The following KCTD2 variants were observed in gnomAD, a reference collection of about 807,000 sequenced individuals.
KCTD2 encodes the protein potassium channel tetramerization domain containing 2, also known as BTB/POZ domain-containing protein KCTD2.
KCTD2 carries 18 observed loss-of-function variants against 27.9 expected under a neutral mutation model. The observed-to-expected ratio is 0.64, with a 90% CI of 0.45 to 0.96. The LOEUF is 0.96. Ranked by LOEUF, KCTD2 falls within the 40% of genes least tolerant of loss-of-function variation. The pLI, the probability that KCTD2 is intolerant of heterozygous loss-of-function variation, is 0.00. For missense variants in KCTD2, 280 were observed against 348.0 expected (o/e 0.80, Z 1.56); for synonymous variants, 175 against 148.4 (o/e 1.18, Z -1.30).
chr17:75,051,094 C>T (rs369174610), intron 2 of KCTD2, among the ~76,000 whole-genome samples: 1 of 151,560 alleles, frequency 6.6e-6, no homozygotes, highest in Non-Finnish European at 1.5e-5. Context: ...CTGCCTCAGC[C>T]TCCCGAGTAG....
At position 75,047,333 on chromosome 17, in the gene KCTD2, T is replaced by G. The variant is rs1458272869; in HGVS notation, c.83T>G (p.Val28Gly). 8.7e-6 allele frequency: 10 copies of G among 1,145,394 alleles called. No homozygotes were observed. The highest frequency in any genetic ancestry group is 1.1e-5 in the Non-Finnish European group (10 of 933,734). The allele number at this position is 1,145,394 out of a possible 1,614,324, so 71.0% of individuals were successfully genotyped here. A position where few individuals can be genotyped will look rare whatever the true frequency, so the allele number is the denominator to read the frequency against. Residue 28 changes from valine (V) to glycine (G), a missense_variant, in exon 1 of 6, where the codon GTC (valine) becomes GGC (glycine). Val to Gly is a moderately radical substitution (Grantham distance 109). Transcript: ENST00000322444. ...GSGVGDGGGP[V>G]RGPPSPRPAG... ...GGGGTGGGCGACGGGGGTGGCCCAG[T>G]CCGCGGGCCCCCCAGCCCACGCCCG...
At chr17:75,056,936 TTTTTTTTTCTTTTTTC>T (rs1291929696) in intron 3 of KCTD2, among the ~76,000 whole-genome samples, 1 of 145,196 alleles carries the variant, frequency 6.9e-6, no homozygotes, top group Non-Finnish European at 1.5e-5. Context: ...CCTCTGTTTC[TTTTTTTTTCTTTTTTC>T]TTTTTTTTTT....
intron 3 of KCTD2, chr17:75,040,229 C>G: frequency 1.3e-6 from 2 of 1,588,516 alleles, no homozygotes; most frequent in Middle Eastern, 2.3e-4. Flanking sequence ...AGTGAGTCGT[C>G]GCCAATACAC....
intron 3 of KCTD2, chr17:75,041,921 C>G (rs1189047429): frequency 2.9e-6 from 1 of 341,506 alleles, no homozygotes; most frequent in Middle Eastern, 7.8e-4. Flanking sequence ...AGGTCAGAAA[C>G]AGAGCAGGTC....
intron 2 of KCTD2, among the ~76,000 whole-genome samples, chr17:75,034,605 T>C (rs1208003460): frequency 1.3e-5 from 2 of 152,034 alleles, no homozygotes; most frequent in African/African-American, 2.4e-5. Flanking sequence ...TGAGAAGCCA[T>C]GGGGACGACA....
At chr17:75,043,767 G>GAC (rs2073184551), upstream of KCTD2, among the ~76,000 whole-genome samples, 1 of 152,068 alleles carries the variant, frequency 6.6e-6, no homozygotes, top group African/African-American at 2.4e-5. Flanking sequence ...GACAGAAACT[G>GAC]ACACACACCT....
chr17:75,045,264 G>C (rs1025405710), upstream of KCTD2, among the ~76,000 whole-genome samples: 1 of 152,246 alleles, frequency 6.6e-6, no homozygotes, highest in Non-Finnish European at 1.5e-5. Flanking sequence ...CACAAGGCAA[G>C]TGGAGGCAGG....
chr17:75,039,214 T>C, intron 3 of KCTD2: 1 of 1,614,000 alleles, frequency 6.2e-7, no homozygotes, highest in Non-Finnish European at 8.5e-7. Context: ...CTTACCTCTT[T>C]CTCATATTCT....
In KCTD2 at chr17:75,063,953, T is replaced by G. The variant is rs572261784; in HGVS notation, c.*906T>G. On this transcript the variant is annotated 3_prime_UTR_variant, in exon 6 of 6. Transcript: ENST00000322444. ...ATGGCTTGGAGTGGGGAAGGCTGTT[T>G]CTTTGAAAGTTGCCAAATGTGTTAT... is the stretch of plus-strand genomic sequence containing the variant. 1 of 152,826 alleles carries G rather than the reference T, an allele frequency of 6.5e-6. No individual in the cohort carries two copies. Among genetic ancestry groups the G allele is most frequent in the South Asian group, 2.1e-4 (1 of 4,830 alleles). 9.5% of individuals were successfully genotyped at this position (152,826 alleles called of 1,614,324 possible). A position where few individuals can be genotyped will look rare whatever the true frequency, so the allele number is the denominator to read the frequency against.
At chr17:75,036,244 G>A (rs1013613139) in intron 3 of KCTD2, among the ~76,000 whole-genome samples, 1 of 151,390 alleles carries the variant, frequency 6.6e-6, no homozygotes, top group Non-Finnish European at 1.5e-5. Flanking sequence ...GTCTGCAGCA[G>A]ACAAACAAGC....
In KCTD2 at chr17:75,063,293, T is replaced by G; in HGVS notation, c.*246T>G. 1.8e-6 allele frequency: 1 copy of G among 557,174 alleles called. No homozygotes were observed. The highest frequency in any genetic ancestry group is 3.2e-6 in the Non-Finnish European group (1 of 311,456). The allele number at this position is 557,174 out of a possible 1,614,324, so 34.5% of individuals were successfully genotyped here. On this transcript the variant is annotated 3_prime_UTR_variant, in exon 6 of 6. Transcript: ENST00000322444. ...CTGCTTTCATTTGCTTAGCCAGTAT[T>G]AGAACAGATCTTTACAACAGCAGCT...
intron 3 of KCTD2, among the ~76,000 whole-genome samples, chr17:75,057,860 G>A (rs28694537): frequency 0.045 from 6,879 of 151,318 alleles, 516 homozygotes; most frequent in African/African-American, 0.16. Context: ...TGCACCCGGC[G>A]ATCGTTATAC....
chr17:75,046,741 G>A (rs1165776503), upstream of KCTD2, among the ~76,000 whole-genome samples: 1 of 151,812 alleles, frequency 6.6e-6, no homozygotes, highest in Non-Finnish European at 1.5e-5. Flanking sequence ...CGCGCGCCAA[G>A]GAGGGCTGAG....
At chr17:75,039,160 A>ATT in intron 3 of KCTD2, 1 of 1,612,626 alleles carries the variant, frequency 6.2e-7, no homozygotes, top group Non-Finnish European at 8.5e-7. Context: ...ATGTGTGGTC[A>ATT]TGAAAGAGAG....
At position 75,064,274 on chromosome 17, in the gene KCTD2, T is replaced by C. The variant is rs569511318; in HGVS notation, c.*1227T>C. On this transcript the variant is annotated 3_prime_UTR_variant, in exon 6 of 6. Coordinates refer to ENST00000322444, the MANE Select transcript of KCTD2 (RefSeq NM_015353.3). ...TGTGTCCACACTTTCTCTCCGAGCA[T>C]GTGGGTCTCGCTGAGCAGTCATGGA... 14 of 152,358 alleles carry C rather than the reference T, an allele frequency of 9.2e-5. No homozygotes were observed. The highest frequency in any genetic ancestry group is 6.5e-4 in the Admixed American group (10 of 15,298). 9.4% of individuals were successfully genotyped at this position (152,358 alleles called of 1,614,324 possible).
intron 3 of KCTD2, among the ~76,000 whole-genome samples, chr17:75,056,120 C>A (rs1442132448): frequency 6.6e-6 from 1 of 152,154 alleles, no homozygotes; most frequent in East Asian, 1.9e-4. Flanking sequence ...TCCACTTTAT[C>A]TCCAGCAGTT....
intron 2 of KCTD2, among the ~76,000 whole-genome samples, chr17:75,051,199 C>G (rs897704252): frequency 4.7e-5 from 7 of 150,270 alleles, no homozygotes; most frequent in Admixed American, 1.3e-4. Flanking sequence ...GGTCTCATCT[C>G]GATCTCCTGA....
At chr17:75,044,589 A>G (rs7217434), upstream of KCTD2, among the ~76,000 whole-genome samples, 117,788 of 151,026 alleles carry the variant, frequency 0.78, 46,902 homozygotes, top group East Asian at 0.94. Context: ...TGATCCACCC[A>G]CCTCAGCCTT....
At chr17:75,045,701 C>G (rs973319810), upstream of KCTD2, among the ~76,000 whole-genome samples, 3 of 152,170 alleles carry the variant, frequency 2.0e-5, no homozygotes, top group Admixed American at 6.5e-5. Flanking sequence ...TTATCCTGTT[C>G]TTTTTTCAGG....
Sources: allele counts gnomAD v4.1 joint callset (sites outside exome capture counted in the v4.1 genomes callset), GRCh38; gene constraint gnomAD v4.1.1; transcripts MANE v1.5; gene names NCBI Gene and HGNC (gene_info 2026-07-23, HGNC 2026-07-21).